Variants in PLCL1 observed in about 807,000 individuals in gnomAD.
PLCL1 encodes phospholipase C like 1 (inactive), also known as inactive phospholipase C-like protein 1.
In PLCL1, 41 loss-of-function variants were observed where a neutral mutation model predicts 84.4. The ratio of observed to expected loss-of-function variants is 0.49; its 90% CI spans 0.38 to 0.63. The LOEUF (loss-of-function observed/expected upper bound fraction) is 0.63. PLCL1 is among the 30% of genes least tolerant of loss of function. The pLI is 0.00. For synonymous variants in PLCL1, 490 were observed against 488.3 expected (o/e 1.00, Z -0.05); for missense variants, 1,206 against 1,367.8 (o/e 0.88, Z 1.87).
intron 1 of PLCL1, among the ~76,000 whole-genome samples, chr2:197,934,582 T>C (rs539402359): frequency 3.2e-4 from 48 of 152,330 alleles, no homozygotes; most frequent in Non-Finnish European, 5.7e-4. Flanking sequence ...AGGCATAAAC[T>C]TAAATTCTGA....
intron 1 of PLCL1, among the ~76,000 whole-genome samples, chr2:198,014,077 G>A (rs1690933545): frequency 1.3e-5 from 2 of 152,172 alleles, no homozygotes; most frequent in South Asian, 2.1e-4. Flanking sequence ...TTCTAGAAAA[G>A]CATCTCAGAA....
chr2:197,915,386 C>A (rs1317447643), intron 1 of PLCL1, among the ~76,000 whole-genome samples: 26 of 151,952 alleles, frequency 1.7e-4, no homozygotes, highest in Admixed American at 1.7e-3. Flanking sequence ...AAATGAGGAG[C>A]CAGTTTTGGA....
chr2:197,818,530 A>T (rs1038010470), intron 1 of PLCL1, among the ~76,000 whole-genome samples: 1 of 152,012 alleles, frequency 6.6e-6, no homozygotes, highest in African/African-American at 2.4e-5. Flanking sequence ...TCAAGTGATG[A>T]TTCTTTTTTG....
At chr2:198,136,055 T>A (rs1694248381) in intron 5 of PLCL1, among the ~76,000 whole-genome samples, 2 of 152,142 alleles carry the variant, frequency 1.3e-5, no homozygotes, top group Admixed American at 1.3e-4. Context: ...GACTAATGAG[T>A]AATGCAATCC....
intron 1 of PLCL1, among the ~76,000 whole-genome samples, chr2:197,839,402 A>T (rs747125610): frequency 1.1e-4 from 17 of 152,352 alleles, no homozygotes; most frequent in Non-Finnish European, 2.1e-4. Context: ...TCAGATCATC[A>T]GGCGTTAGTT....
intron 1 of PLCL1, among the ~76,000 whole-genome samples, chr2:198,029,058 T>G (rs1691343155): frequency 6.6e-6 from 1 of 152,186 alleles, no homozygotes; most frequent in Non-Finnish European, 1.5e-5. Flanking sequence ...AGTGGAGAAG[T>G]AAGGAGATTT....
In PLCL1 at chr2:197,832,536, G is replaced by A. The variant is rs116346799; in HGVS notation, c.240+27197G>A. ...TAACCTACCAACCAAAAAAAGCCTA[G>A]CACCAGACAGATTCACAGCCAAATT... On this transcript the variant is annotated intron_variant, in intron 1 of 5. Coordinates refer to ENST00000428675, the MANE Select transcript of PLCL1 (RefSeq NM_006226.4). Among the ~76,000 whole-genome samples, 197 of 152,272 alleles carry A rather than the reference G, an allele frequency of 1.3e-3. 1 individual carries two copies. The highest frequency in any genetic ancestry group is 4.5e-3 in the African/African-American group (186 of 41,548).
intron 1 of PLCL1, among the ~76,000 whole-genome samples, chr2:198,005,789 G>A (rs1690715046): frequency 6.6e-6 from 1 of 152,180 alleles, no homozygotes; most frequent in Non-Finnish European, 1.5e-5. Flanking sequence ...GGGAGGCCGT[G>A]GACAGCCGAT....
At chr2:197,934,457 C>T (rs1045510603) in intron 1 of PLCL1, among the ~76,000 whole-genome samples, 1 of 152,152 alleles carries the variant, frequency 6.6e-6, no homozygotes, top group Admixed American at 6.5e-5. Context: ...ACATCCACAA[C>T]GCCTTTCTTG....
chr2:197,947,454 C>T (rs1323964191), intron 1 of PLCL1, among the ~76,000 whole-genome samples: 1 of 151,900 alleles, frequency 6.6e-6, no homozygotes. Flanking sequence ...ACTTTGAGAA[C>T]CACTGGAGCT....
chr2:197,888,166 CA>C (rs1178992629), intron 1 of PLCL1, among the ~76,000 whole-genome samples: 1 of 151,852 alleles, frequency 6.6e-6, no homozygotes, highest in African/African-American at 2.4e-5. Flanking sequence ...CCAAGTGTTT[CA>C]AAGCTATTAG....
intron 1 of PLCL1, among the ~76,000 whole-genome samples, chr2:198,053,158 A>G (rs1691982886): frequency 6.6e-6 from 1 of 152,234 alleles, no homozygotes; most frequent in South Asian, 2.1e-4. Flanking sequence ...ATGGGAAGTC[A>G]GTAATCTATA....
chr2:198,002,103 C>T (rs763356606), intron 1 of PLCL1: 2 of 255,698 alleles, frequency 7.8e-6, no homozygotes, highest in African/African-American at 4.5e-5. Flanking sequence ...ATCCCAAAAC[C>T]ATCTCCACCC....
chr2:197,892,196 T>C (rs1688043372), intron 1 of PLCL1, among the ~76,000 whole-genome samples: 1 of 152,130 alleles, frequency 6.6e-6, no homozygotes, highest in Non-Finnish European at 1.5e-5. Context: ...GTCTTAAGTG[T>C]TTTCATAAAA....
intron 1 of PLCL1, among the ~76,000 whole-genome samples, chr2:197,913,288 C>A (rs1688526942): frequency 6.6e-6 from 1 of 152,142 alleles, no homozygotes; most frequent in African/African-American, 2.4e-5. Context: ...AGTTAGAGTC[C>A]CGTATGCTAA....
At chr2:197,815,895 G>A (rs1690677131) in intron 1 of PLCL1, among the ~76,000 whole-genome samples, 1 of 152,128 alleles carries the variant, frequency 6.6e-6, no homozygotes. Flanking sequence ...TCTTATGTAT[G>A]AGCAAAGAAA....
chr2:198,023,431 G>T (rs909850252), intron 1 of PLCL1, among the ~76,000 whole-genome samples: 3 of 152,140 alleles, frequency 2.0e-5, no homozygotes, highest in Non-Finnish European at 4.4e-5. Context: ...CTTCTGCACA[G>T]CAAAAGAAAC....
intron 3 of PLCL1, among the ~76,000 whole-genome samples, chr2:198,094,988 TATCA>T (rs1357070798): frequency 6.6e-6 from 1 of 152,152 alleles, no homozygotes; most frequent in African/African-American, 2.4e-5. Flanking sequence ...CTGGGAGCAC[TATCA>T]ATCAATAACT....
At chr2:197,944,102 G>A (rs1689222354) in intron 1 of PLCL1, among the ~76,000 whole-genome samples, 1 of 152,196 alleles carries the variant, frequency 6.6e-6, no homozygotes, top group Non-Finnish European at 1.5e-5. Flanking sequence ...GAATTCTTTA[G>A]AGTTTGCGTA....
Sources: allele counts gnomAD v4.1 joint callset (sites outside exome capture counted in the v4.1 genomes callset), GRCh38; gene constraint gnomAD v4.1.1; transcripts MANE v1.5; gene names NCBI Gene and HGNC (gene_info 2026-07-23, HGNC 2026-07-21).